The following ANXA6 variants were observed in gnomAD, a reference collection of about 807,000 sequenced individuals.
The protein encoded by ANXA6 is annexin A6.
Under a neutral mutation model 95.4 loss-of-function variants are expected in ANXA6, and 71 were observed. That is an observed-to-expected ratio of 0.74 (90% CI 0.61 to 0.91). ANXA6 has a LOEUF of 0.91. ANXA6 is among the 40% of genes least tolerant of loss of function. The probability of loss-of-function intolerance (pLI) is 0.00; values close to 1 mark genes in which losing one functional copy is unlikely to be tolerated. For synonymous variants in ANXA6, 289 were observed against 315.9 expected (o/e 0.91, Z 0.90); for missense variants, 830 against 876.4 (o/e 0.95, Z 0.67).
chr5:151,145,246 T>A (rs1765943935), intron 2 of ANXA6, among the ~76,000 whole-genome samples: 1 of 152,160 alleles, frequency 6.6e-6, no homozygotes, highest in Non-Finnish European at 1.5e-5. Context: ...GGAGCAGAGA[T>A]GATGTCCCCA....
At chr5:151,132,086 C>T (rs1765529517) in intron 10 of ANXA6, among the ~76,000 whole-genome samples, 1 of 152,322 alleles carries the variant, frequency 6.6e-6, no homozygotes, top group African/African-American at 2.4e-5. Flanking sequence ...TCAGTTTCCT[C>T]ATCTGTGAAA....
chr5:151,118,391 A>T (rs944125351), intron 18 of ANXA6, among the ~76,000 whole-genome samples: 3 of 151,844 alleles, frequency 2.0e-5, no homozygotes, highest in African/African-American at 7.3e-5. Flanking sequence ...TCTCCTGAGT[A>T]GCTGGGACTA....
chr5:151,109,337 G>A (rs558343729), intron 22 of ANXA6, among the ~76,000 whole-genome samples: 39 of 152,280 alleles, frequency 2.6e-4, no homozygotes, highest in Middle Eastern at 3.4e-3. Flanking sequence ...CTGAGCATGC[G>A]GCAGCCTGTG....
intron 7 of ANXA6, 87 bp from the exon 8 acceptor site, chr5:151,134,570 A>T (rs762731569): frequency 1.6e-4 from 227 of 1,404,162 alleles, no homozygotes; most frequent in Non-Finnish European, 2.1e-4. Context: ...CAGGGAAAGC[A>T]GGAAAACCCT....
At chr5:151,142,483 A>C (rs1048592383) in intron 2 of ANXA6, among the ~76,000 whole-genome samples, 3 of 145,172 alleles carry the variant, frequency 2.1e-5, no homozygotes, top group Admixed American at 2.0e-4. Flanking sequence ...CTCTGTCTCA[A>C]AAAAAAAAAA....
chr5:151,103,447 A>T (rs1417265196), intron 25 of ANXA6, 123 bp downstream of exon 25: 7 of 871,240 alleles, frequency 8.0e-6, no homozygotes, highest in Non-Finnish European at 1.2e-5. Flanking sequence ...TTTCATTTCA[A>T]TATCCTGGCT....
In ANXA6 at chr5:151,130,239, C is replaced by CT. The variant is rs34929843; in HGVS notation, c.796-711dup. On this transcript the variant is annotated intron_variant, in intron 11 of 25. Transcript: ENST00000354546. ...TGTTATAAGTTTTTTTTTTCTTTTT[C>CT]TTTTTTTTTTGAAGAGGCAGGGTCT... Among the ~76,000 whole-genome samples the CT allele has an allele frequency of 7.6e-3, 1,107 of 144,752 alleles. 15 individuals are homozygous for CT. The highest frequency in any genetic ancestry group is 0.025 in the African/African-American group (997 of 39,386). 95.0% of individuals were successfully genotyped at this position (144,752 alleles called of 152,430 possible).
chr5:151,144,836 G>C (rs570134632), intron 2 of ANXA6, among the ~76,000 whole-genome samples: 2 of 152,084 alleles, frequency 1.3e-5, no homozygotes, highest in South Asian at 4.2e-4. Context: ...TAGTTGTCCT[G>C]GGACCCCACA....
intron 15 of ANXA6, 31 bp downstream of exon 15, chr5:151,124,255 A>G (rs1765250535): frequency 6.2e-7 from 1 of 1,606,028 alleles, no homozygotes; most frequent in Non-Finnish European, 8.5e-7. Flanking sequence ...TGCCCTGGAG[A>G]CCAACCCTGC....
rs367903608 is a variant in ANXA6, at chr5:151,119,366, G to C, written c.1372C>G (p.Leu458Val). The C allele has an allele frequency of 3.1e-6, 5 of 1,613,874 alleles. No homozygotes were observed. The highest frequency in any genetic ancestry group is 4.2e-6 in the Non-Finnish European group (5 of 1,179,872). The change falls in exon 18 of 26, where the codon CTT (leucine) becomes GTT (valine). Residue 458 changes from leucine (L) to valine (V), a missense_variant. Leu to Val is a conservative substitution (Grantham distance 32). Transcript: ENST00000354546. ...MEGAGTDEKA[L>V]IEILATRTNA... is the part of the protein sequence containing the mutation. The stretch of plus-strand genomic sequence containing the variant: ...GTCCGAGTGGCCAGGATTTCAATAA[G>C]AGCCTTTTCATCTGTGCCGGCTCCC...
chr5:151,130,314 G>A lies in ANXA6; in HGVS notation c.796-785C>T, dbSNP rs531513617. Among the ~76,000 whole-genome samples, 105 of 151,504 alleles carry A rather than the reference G, an allele frequency of 6.9e-4. 1 individual carries two copies. Among genetic ancestry groups the A allele is most frequent in the African/African-American group, 2.5e-3 (102 of 41,260 alleles). On this transcript the variant is annotated intron_variant, in intron 11 of 25. Coordinates refer to ENST00000354546, the MANE Select transcript of ANXA6 (RefSeq NM_001155.5). ...CAGTGGCGTGATCACATAGCACTGC[G>A]TTCACTGAAGCCTCAAACCCAGGGG... is the stretch of plus-strand genomic sequence containing the variant.
At chr5:151,140,372 C>A (rs1765796076) in intron 2 of ANXA6, 129 bp from the exon 3 acceptor site, 2 of 759,366 alleles carry the variant, frequency 2.6e-6, no homozygotes, top group African/African-American at 3.5e-5. Flanking sequence ...CAGTGCTGGC[C>A]ACATACACCC....
At chr5:151,136,223 G>A (rs1254752539) in intron 7 of ANXA6, 33 bp downstream of exon 7, 1 of 1,607,966 alleles carries the variant, frequency 6.2e-7, no homozygotes, top group Non-Finnish European at 8.5e-7. Flanking sequence ...GCTATCCCAA[G>A]CTCCAGAGGA....
chr5:151,122,031 C>G, intron 17 of ANXA6, 116 bp downstream of exon 17: 1 of 587,216 alleles, frequency 1.7e-6, no homozygotes. Context: ...CCAGTTTGAA[C>G]TGAGTATGGG....
Position 151,122,929 on chromosome 5 carries a change from A to G in ANXA6, c.1221T>C (p.Ser407=). The change falls in exon 16 of 26, where the codon TCT becomes TCC. Residue 407 remains serine (S), a synonymous_variant. Transcript: ENST00000354546. ...AGGAGGTCCTTACCCGGCCAAAGTG[A>G]GACTTGAAGGTCTGCCGGATCTGCT... ...QRQQIRQTFK[S]HFGRDLMTDL... 6.2e-7 allele frequency: 1 copy of G among 1,613,894 alleles called. No individual in the cohort carries two copies. Among genetic ancestry groups the G allele is most frequent in the Non-Finnish European group, 8.5e-7 (1 of 1,179,850 alleles).
At chr5:151,128,468 A>G (rs1265886035) in intron 12 of ANXA6, 1 of 511,610 alleles carries the variant, frequency 2.0e-6, no homozygotes, top group Non-Finnish European at 3.6e-6. Flanking sequence ...AAATACTTCT[A>G]GCAATGGACA....
intron 2 of ANXA6, among the ~76,000 whole-genome samples, chr5:151,144,938 C>A (rs1765935717): frequency 6.6e-6 from 1 of 152,038 alleles, no homozygotes; most frequent in Non-Finnish European, 1.5e-5. Context: ...CAGGCCCAGG[C>A]TTCCCACCGT....
chr5:151,127,039 C>G (rs1026071970), intron 13 of ANXA6, among the ~76,000 whole-genome samples: 11 of 152,344 alleles, frequency 7.2e-5, no homozygotes, highest in Middle Eastern at 3.4e-3. Context: ...TTAAGGGCAG[C>G]CTTCCTGGCT....
intron 23 of ANXA6, among the ~76,000 whole-genome samples, chr5:151,107,868 A>G (rs1174126104): frequency 6.6e-6 from 1 of 152,130 alleles, no homozygotes; most frequent in Non-Finnish European, 1.5e-5. Flanking sequence ...TGTCATCTGC[A>G]TCTAGCGTGT....
Sources: gnomAD v4.1 joint callset for allele counts (sites outside exome capture counted in the v4.1 genomes callset) on GRCh38, gnomAD v4.1.1 for gene constraint, MANE v1.5 for transcripts, NCBI Gene and HGNC (gene_info 2026-07-23, HGNC 2026-07-21) for gene names.